The following ZNF621 variants were observed in gnomAD, a reference collection of about 807,000 sequenced individuals.
The protein encoded by ZNF621 is zinc finger protein 621.
A neutral mutation model predicts 12.7 loss-of-function variants in ZNF621; 6 were observed. The observed-to-expected ratio is 0.47, with a 90% CI of 0.26 to 0.93. ZNF621 has a LOEUF of 0.93. ZNF621 is among the 40% of genes least tolerant of loss of function. ZNF621 has a pLI of 0.15. For synonymous variants in ZNF621, 156 were observed against 190.3 expected, an observed-to-expected ratio of 0.82 and a Z score of 1.48; for missense variants, 474 against 524.0, an observed-to-expected ratio of 0.90 and a Z score of 0.93.
intron 2 of ZNF621, among the ~76,000 whole-genome samples, chr3:40,527,113 GT>G (rs1300404117): frequency 6.6e-6 from 1 of 151,882 alleles, no homozygotes; most frequent in Non-Finnish European, 1.5e-5. Flanking sequence ...CACTTCCCTT[GT>G]TCAAGTGATT....
At chr3:40,523,492 C>T (rs529235321), upstream of ZNF621, among the ~76,000 whole-genome samples, 4 of 152,278 alleles carry the variant, frequency 2.6e-5, no homozygotes, top group South Asian at 2.1e-4. Flanking sequence ...GGGCCGGGCG[C>T]GGTGGCTCAC....
At chr3:40,526,565 A>G (rs1437718213) in intron 2 of ZNF621, among the ~76,000 whole-genome samples, 1 of 152,214 alleles carries the variant, frequency 6.6e-6, no homozygotes, top group African/African-American at 2.4e-5. Flanking sequence ...TACATTTTCT[A>G]AATGCTAGAT....
Position 40,538,201 on chromosome 3 carries a change from G to T in ZNF621, c.*5111G>T, listed in dbSNP as rs1178656006. 2 of 403,230 alleles carry T rather than the reference G, an allele frequency of 5.0e-6. No individual in the cohort carries two copies. Among genetic ancestry groups the T allele is most frequent in the Admixed American group, 2.9e-5 (1 of 35,068 alleles). The allele number at this position is 403,230 out of a possible 1,614,324, so 25.0% of individuals were successfully genotyped here. ...CTGAATATTTTAAGCCCACTGTTGA[G>T]ACCTACTAAATATTAGGAAAAAAGA... On this transcript the variant is annotated 3_prime_UTR_variant, in exon 5 of 5. Transcript: ENST00000339296.
rs573045691 is a variant in ZNF621 at position 40,525,142 on chromosome 3, T to C, written c.-195T>C. On this transcript the variant is annotated 5_prime_UTR_variant, in exon 1 of 5. Transcript: ENST00000339296. ...GCCCGCCCCTCCTTCACCCGGACCGTGGGCATCTGGGCCTCGCCGAAGCCG... is the reference window on the plus strand; with the variant it reads ...GCCCGCCCCTCCTTCACCCGGACCGCGGGCATCTGGGCCTCGCCGAAGCCG... The C allele has an allele frequency of 6.6e-6, 1 of 152,520 alleles. No homozygotes were observed. Among genetic ancestry groups the C allele is most frequent in the Admixed American group, 6.5e-5 (1 of 15,306 alleles). 9.4% of individuals were successfully genotyped at this position (152,520 alleles called of 1,614,324 possible).
rs1241772572 is a variant in ZNF621, at chr3:40,532,497, G to C, written c.727G>C (p.Ala243Pro). 3 of 1,614,180 alleles carry C rather than the reference G, an allele frequency of 1.9e-6. No individual in the cohort carries two copies. The highest frequency in any genetic ancestry group is 3.3e-5 in the Admixed American group (2 of 60,034). ...CTATGAATGTAAAGAGTGTGGAAAG[G>C]CTTTCCGTAGGAGTGCGGCATACCT... Reference protein sequence around the residue: ...KPYECKECGKAFRRSAAYLQH... With the variant: ...KPYECKECGKPFRRSAAYLQH... Residue 243 changes from alanine (A) to proline (P), a missense_variant, in exon 5 of 5, where the codon GCT becomes CCT. Coordinates refer to ENST00000339296, the MANE Select transcript of ZNF621 (RefSeq NM_198484.5).
At position 40,532,481 on chromosome 3, in the gene ZNF621, TAA is replaced by T. The variant is rs1698753206; in HGVS notation, c.713_714del (p.Lys238ArgfsTer8). 6.2e-7 allele frequency: 1 copy of T among 1,614,142 alleles called. No individual in the cohort carries two copies. Among genetic ancestry groups the T allele is most frequent in the Non-Finnish European group, 8.5e-7 (1 of 1,180,026 alleles). Reference sequence around the variant, plus strand: ...ACACTGGAGAGAAACCCTATGAATGTAAAGAGTGTGGAAAGGCTTTCCGTAGG... The same window carrying T: ...ACACTGGAGAGAAACCCTATGAATGTAGAGTGTGGAAAGGCTTTCCGTAGG... The part of the protein sequence containing the change: ...IHTGEKPYEC[K>X]ECGKAFRRSA... On this transcript the variant is annotated frameshift_variant, in exon 5 of 5. Coordinates refer to ENST00000339296, the MANE Select transcript of ZNF621 (RefSeq NM_198484.5). LOFTEE classifies it low-confidence loss of function (END_TRUNC).
At position 40,539,391 on chromosome 3, in the gene ZNF621, T is replaced by C. The variant is rs193188023; in HGVS notation, c.*6301T>C. 2,152 of 152,374 alleles carry C rather than the reference T, an allele frequency of 0.014. 22 individuals are homozygous for C. The highest frequency in any genetic ancestry group is 0.024 in the Non-Finnish European group (1,608 of 68,036). 9.4% of individuals were successfully genotyped at this position (152,374 alleles called of 1,614,324 possible). On this transcript the variant is annotated 3_prime_UTR_variant, in exon 5 of 5. Transcript: ENST00000339296. ...CTGTCTTCCAGCAACAAAGACTCACTGAAGACTTAGATTATCGTTAACATC... is the reference window on the plus strand; with the variant it reads ...CTGTCTTCCAGCAACAAAGACTCACCGAAGACTTAGATTATCGTTAACATC...
Position 40,533,386 on chromosome 3 carries a change from C to A in ZNF621, c.*296C>A, listed in dbSNP as rs1462201983. The A allele has an allele frequency of 3.0e-6, 1 of 338,478 alleles. No homozygotes were observed. Among genetic ancestry groups the A allele is most frequent in the Non-Finnish European group, 5.3e-6 (1 of 187,338 alleles). 21.0% of individuals were successfully genotyped at this position (338,478 alleles called of 1,614,324 possible). ...AAACACCTGACCTCAAGTGATCCGC[C>A]TGCCTTGGCCCCCCAAAGTGCTGGG... On this transcript the variant is annotated 3_prime_UTR_variant, in exon 5 of 5. Coordinates refer to ENST00000339296, the MANE Select transcript of ZNF621 (RefSeq NM_198484.5).
rs185054679 is a variant in ZNF621 at position 40,527,779 on chromosome 3, A to G, written c.25-1540A>G. ...TTTTTTTCTTTCCTTATTCTCTGAT[A>G]TGTCCTAAACAGCATATGTGGTTTG... On this transcript the variant is annotated intron_variant, in intron 2 of 4. Coordinates refer to ENST00000339296, the MANE Select transcript of ZNF621 (RefSeq NM_198484.5). 7.4e-3 allele frequency among the ~76,000 whole-genome samples: 1,128 copies of G among 152,120 alleles called. 15 individuals are homozygous for G. Among genetic ancestry groups the G allele is most frequent in the African/African-American group, 0.025 (1,039 of 41,514 alleles).
intron 3 of ZNF621, chr3:40,529,677 C>G: frequency 2.5e-6 from 3 of 1,192,404 alleles, no homozygotes; most frequent in Non-Finnish European, 3.4e-6. Flanking sequence ...GGCTGGAGGG[C>G]AGTGGCATAG....
rs780121591 is a variant in ZNF621, at chr3:40,533,394, G to GC, written c.*310dup. 189 of 322,440 alleles carry GC rather than the reference G, an allele frequency of 5.9e-4. 1 individual carries two copies. The highest frequency in any genetic ancestry group is 1.8e-3 in the South Asian group (36 of 20,558). 20.0% of individuals were successfully genotyped at this position (322,440 alleles called of 1,614,324 possible). A position where few individuals can be genotyped will look rare whatever the true frequency, so the allele number is the denominator to read the frequency against. ...GACCTCAAGTGATCCGCCTGCCTTG[G>GC]CCCCCCAAAGTGCTGGGATTACAGG... On this transcript the variant is annotated 3_prime_UTR_variant, in exon 5 of 5. Coordinates refer to ENST00000339296, the MANE Select transcript of ZNF621 (RefSeq NM_198484.5).
chr3:40,527,774 C>T (rs1698621110), intron 2 of ZNF621, among the ~76,000 whole-genome samples: 2 of 132,728 alleles, frequency 1.5e-5, no homozygotes, highest in African/African-American at 5.0e-5. Context: ...TCCTTATTCT[C>T]TGATATGTCC....
intron 2 of ZNF621, among the ~76,000 whole-genome samples, chr3:40,527,332 T>TA (rs1698608978): frequency 6.7e-6 from 1 of 150,188 alleles, no homozygotes; most frequent in East Asian, 2.0e-4. Context: ...TGTCCATTTT[T>TA]AAATTTTTTT....
At chr3:40,530,974 G>A (rs898743246) in intron 4 of ZNF621, among the ~76,000 whole-genome samples, 12 of 152,100 alleles carry the variant, frequency 7.9e-5, no homozygotes, top group African/African-American at 2.9e-4. Context: ...GTCCTGGAAG[G>A]TTTTGTTTAC....
At position 40,532,682 on chromosome 3, in the gene ZNF621, A is replaced by G; in HGVS notation, c.912A>G (p.Ile304Met). 1 of 1,614,190 alleles carries G rather than the reference A, an allele frequency of 6.2e-7. No homozygotes were observed. The highest frequency in any genetic ancestry group is 1.3e-5 in the African/African-American group (1 of 75,034). The change falls in exon 5 of 5, where the codon ATA becomes ATG. Residue 304 changes from isoleucine (I) to methionine (M), a missense_variant. Ile to Met is a conservative substitution (Grantham distance 10, BLOSUM62 1). Coordinates refer to ENST00000339296, the MANE Select transcript of ZNF621 (RefSeq NM_198484.5). ...GTGGCAAAGCCTTCACCCAGAAAAT[A>G]GCCTCCATTCAGCATCAGAGAGTTC... is the stretch of plus-strand genomic sequence containing the variant. ...KECGKAFTQK[I>M]ASIQHQRVHT...
chr3:40,529,250 G>A, intron 2 of ZNF621, 69 bp from the exon 3 acceptor site: 3 of 1,567,730 alleles, frequency 1.9e-6, no homozygotes, highest in Admixed American at 1.7e-5. Flanking sequence ...TCCCTTCCCT[G>A]AAGCTCAAGC....
In ZNF621 at chr3:40,532,329, G is replaced by C; in HGVS notation, c.559G>C (p.Ala187Pro). 1 of 1,612,196 alleles carries C rather than the reference G, an allele frequency of 6.2e-7. No individual in the cohort carries two copies. Among genetic ancestry groups the C allele is most frequent in the Non-Finnish European group, 8.5e-7 (1 of 1,180,028 alleles). ...CTTTAAGTGTAAGGAGTGTGGCAAAGCTTTCAAGTCCAGCTATGATTGTAT... is the reference window on the plus strand; with the variant it reads ...CTTTAAGTGTAAGGAGTGTGGCAAACCTTTCAAGTCCAGCTATGATTGTAT... ...KPFKCKECGK[A>P]FKSSYDCIVH... Residue 187 changes from alanine (A) to proline (P), a missense_variant, in exon 5 of 5, where the codon GCT (alanine) becomes CCT (proline). By Grantham distance (27) the Ala-to-Pro change is conservative. Coordinates refer to ENST00000339296, the MANE Select transcript of ZNF621 (RefSeq NM_198484.5).
intron 2 of ZNF621, 113 bp from the exon 3 acceptor site, chr3:40,529,206 A>C: frequency 7.5e-7 from 1 of 1,325,676 alleles, no homozygotes; most frequent in Non-Finnish European, 1.0e-6. Flanking sequence ...CAGACCTTAC[A>C]TGGGGCTCAG....
At chr3:40,528,603 G>T (rs905494329) in intron 2 of ZNF621, among the ~76,000 whole-genome samples, 1 of 152,134 alleles carries the variant, frequency 6.6e-6, no homozygotes, top group Non-Finnish European at 1.5e-5. Context: ...GTCCCATTTC[G>T]CATTCATTAG....
Sources: allele counts gnomAD v4.1 joint callset (sites outside exome capture counted in the v4.1 genomes callset), GRCh38; gene constraint gnomAD v4.1.1; transcripts MANE v1.5; gene names NCBI Gene and HGNC (gene_info 2026-07-23, HGNC 2026-07-21).